ADRA1D: variants seen among roughly 807,000 people sequenced by gnomAD.
ADRA1D encodes adrenoceptor alpha 1D, also known as alpha-1D adrenergic receptor.
A neutral mutation model predicts 18.6 loss-of-function variants in ADRA1D; 22 were observed. That is an observed-to-expected ratio of 1.19 (90% CI 0.85 to 1.69). The LOEUF is 1.69. ADRA1D is among the 40% of genes most tolerant of loss of function. ADRA1D has a pLI of 0.00. For missense variants in ADRA1D, 840 were observed against 840.7 expected, an observed-to-expected ratio of 1.00 and a Z score of 0.01; for synonymous variants, 376 against 388.2, an observed-to-expected ratio of 0.97 and a Z score of 0.37.
Position 4,242,315 on chromosome 20 carries a change from G to T in ADRA1D, c.1111+5532C>A, listed in dbSNP as rs1217262188. Reference sequence around the variant, plus strand: ...TTTATTTATCCATTCTCCTGCAGATGGCATCTGGCCTCATCTCTTGACCCC... The same window carrying T: ...TTTATTTATCCATTCTCCTGCAGATTGCATCTGGCCTCATCTCTTGACCCC... On this transcript the variant is annotated intron_variant, in intron 1 of 1. Transcript: ENST00000379453. Among the ~76,000 whole-genome samples the T allele has an allele frequency of 2.0e-5, 3 of 152,160 alleles. No homozygotes were observed. In the East Asian group the frequency reaches 5.8e-4, roughly 29 times the overall value.
intron 1 of ADRA1D, 30 bp downstream of exon 1, chr20:4,247,817 G>A: frequency 6.7e-7 from 1 of 1,486,290 alleles, no homozygotes; most frequent in Non-Finnish European, 8.9e-7. Context: ...AGGGAGAACA[G>A]GAGGGGCCGG....
Position 4,221,805 on chromosome 20 carries a change from C to T in ADRA1D, c.1437G>A (p.Glu479=). Residue 479 remains glutamate, a synonymous_variant, in exon 2 of 2, where the codon GAG becomes GAA. Transcript: ENST00000379453. ...GACGGCTGGCGACCGGAGCCTGCATCTCGGGCGTGCCTGGGGGTTCGGGGT... is the reference window on the plus strand; with the variant it reads ...GACGGCTGGCGACCGGAGCCTGCATTTCGGGCGTGCCTGGGGGTTCGGGGT... ...DPDPEPPGTP[E]MQAPVASRRK... 6.4e-7 allele frequency: 1 copy of T among 1,554,260 alleles called. No homozygotes were observed. Among genetic ancestry groups the T allele is most frequent in the Non-Finnish European group, 8.7e-7 (1 of 1,155,012 alleles).
At position 4,249,025 on chromosome 20, in the gene ADRA1D, G is replaced by C; in HGVS notation, c.-68C>G. The C allele has an allele frequency of 8.7e-7, 1 of 1,144,728 alleles. No homozygotes were observed. Among genetic ancestry groups the C allele is most frequent in the Non-Finnish European group, 1.1e-6 (1 of 915,062 alleles). The allele number at this position is 1,144,728 out of a possible 1,614,324, so 70.9% of individuals were successfully genotyped here. On this transcript the variant is annotated 5_prime_UTR_variant, in exon 1 of 2. Transcript: ENST00000379453. ...AGCGGCCGGCAGGGAGGGGAGCACA[G>C]GGCATAGCCGCGGGGCTCCAGATGC...
intron 1 of ADRA1D, among the ~76,000 whole-genome samples, chr20:4,233,490 CT>C (rs1050147988): frequency 6.6e-6 from 1 of 151,248 alleles, no homozygotes; most frequent in Middle Eastern, 3.2e-3. Context: ...ATGTACCTGC[CT>C]TTTTTTTGAG....
chr20:4,235,040 C>T (rs116685580), intron 1 of ADRA1D, among the ~76,000 whole-genome samples: 71 of 152,222 alleles, frequency 4.7e-4, no homozygotes, highest in African/African-American at 1.4e-3. Context: ...TGTGAAGACT[C>T]GAAGGGGTGA....
At chr20:4,246,132 G>A (rs926366687) in intron 1 of ADRA1D, among the ~76,000 whole-genome samples, 1 of 152,150 alleles carries the variant, frequency 6.6e-6, no homozygotes, top group African/African-American at 2.4e-5. Context: ...CAGAGCCTGT[G>A]ATCCTCACTG....
At position 4,222,076 on chromosome 20, in the gene ADRA1D, C is replaced by A. The variant is rs1351061575; in HGVS notation, c.1166G>T (p.Trp389Leu). The stretch of plus-strand genomic sequence containing the variant: ...CACGCAGCTGTTGAAGTAGCCGAGC[C>A]AGAAGATGACCTTGAAGACGCCCTC... Reference protein sequence around the residue: ...PSEGVFKVIFWLGYFNSCVNP... With the variant: ...PSEGVFKVIFLLGYFNSCVNP... Residue 389 changes from tryptophan to leucine, a missense_variant, in exon 2 of 2, where the codon TGG becomes TTG. By Grantham distance (61) the Trp-to-Leu change is moderately conservative. Coordinates refer to ENST00000379453, the MANE Select transcript of ADRA1D (RefSeq NM_000678.4). The surrounding 1 kb of genome is among the most constrained non-coding windows in gnomAD (Gnocchi z 4.3). The A allele has an allele frequency of 6.2e-7, 1 of 1,612,910 alleles. No individual in the cohort carries two copies. The highest frequency in any genetic ancestry group is 1.3e-5 in the African/African-American group (1 of 74,640).
At chr20:4,241,371 A>G (rs76297439) in intron 1 of ADRA1D, among the ~76,000 whole-genome samples, 3,184 of 152,346 alleles carry the variant, frequency 0.021, 157 homozygotes, top group South Asian at 0.21. Flanking sequence ...AATGATATGT[A>G]GTTAATGATA....
At chr20:4,231,036 C>T (rs1031874090) in intron 1 of ADRA1D, among the ~76,000 whole-genome samples, 4 of 105,856 alleles carry the variant, frequency 3.8e-5, no homozygotes, top group African/African-American at 1.1e-4. Context: ...CTCTTTCTTT[C>T]TTTTTCTTTC....
Position 4,249,114 on chromosome 20 carries a change from C to T in ADRA1D, c.-157G>A, listed in dbSNP as rs1363702175. ...TCCTGTGACGCGGAGCGCGGCTGTC[C>T]GAGAGCGGAGCTGCCTGGCCCGGGC... On this transcript the variant is annotated 5_prime_UTR_variant, in exon 1 of 2. Transcript: ENST00000379453. 6 of 575,906 alleles carry T rather than the reference C, an allele frequency of 1.0e-5. No individual in the cohort carries two copies. The highest frequency in any genetic ancestry group is 6.1e-5 in the African/African-American group (3 of 49,334). The allele number at this position is 575,906 out of a possible 1,614,324, so 35.7% of individuals were successfully genotyped here. A position where few individuals can be genotyped will look rare whatever the true frequency, so the allele number is the denominator to read the frequency against.
chr20:4,233,853 GGGA>G (rs1600848818), intron 1 of ADRA1D, among the ~76,000 whole-genome samples: 1 of 152,154 alleles, frequency 6.6e-6, no homozygotes, highest in Non-Finnish European at 1.5e-5. Context: ...TAAGGACGCA[GGGA>G]GGAGATGACC....
At chr20:4,234,720 G>A (rs921716654) in intron 1 of ADRA1D, among the ~76,000 whole-genome samples, 1 of 152,126 alleles carries the variant, frequency 6.6e-6, no homozygotes, top group Non-Finnish European at 1.5e-5. Context: ...AGGCCTCTTC[G>A]CTACATTATA....
At chr20:4,229,667 G>C (rs901947056) in intron 1 of ADRA1D, among the ~76,000 whole-genome samples, 1 of 152,094 alleles carries the variant, frequency 6.6e-6, no homozygotes, top group African/African-American at 2.4e-5. Flanking sequence ...AGAATGCAGT[G>C]ATTGAGGGCA....
intron 1 of ADRA1D, among the ~76,000 whole-genome samples, chr20:4,247,516 A>G (rs1981362027): frequency 6.6e-6 from 1 of 152,206 alleles, no homozygotes; most frequent in Non-Finnish European, 1.5e-5. Flanking sequence ...AGGGGGACAC[A>G]TACACTGCCG....
chr20:4,226,887 G>A (rs936220831), intron 1 of ADRA1D, among the ~76,000 whole-genome samples: 5 of 152,146 alleles, frequency 3.3e-5, no homozygotes, highest in African/African-American at 7.2e-5. Context: ...CACAGATGCC[G>A]GTTTGAATTT....
chr20:4,226,293 G>C (rs1408825023), intron 1 of ADRA1D, among the ~76,000 whole-genome samples: 1 of 152,236 alleles, frequency 6.6e-6, no homozygotes, highest in East Asian at 1.9e-4. Context: ...TCAGCCCCAA[G>C]GTTTTCCCAC....
Position 4,221,477 on chromosome 20 carries a change from C to G in ADRA1D, c.*46G>C. 6.4e-7 allele frequency: 1 copy of G among 1,559,970 alleles called. No individual in the cohort carries two copies. The highest frequency in any genetic ancestry group is 8.7e-7 in the Non-Finnish European group (1 of 1,149,084). ...AACACCAGCCCGCCTCTCTGGTCCC[C>G]CTTACCCCCAAGCCCAGCACACTCC... On this transcript the variant is annotated 3_prime_UTR_variant, in exon 2 of 2. Transcript: ENST00000379453.
chr20:4,236,739 G>A (rs1464252109), intron 1 of ADRA1D, among the ~76,000 whole-genome samples: 1 of 152,218 alleles, frequency 6.6e-6, no homozygotes, highest in Non-Finnish European at 1.5e-5. Flanking sequence ...CAGACAGGAA[G>A]GAGGGAGGCA....
At chr20:4,236,642 C>T (rs1981100130) in intron 1 of ADRA1D, among the ~76,000 whole-genome samples, 1 of 152,162 alleles carries the variant, frequency 6.6e-6, no homozygotes, top group African/African-American at 2.4e-5. Flanking sequence ...GATGTCCAGA[C>T]CTGTGAATGT....
Sources: gnomAD v4.1 joint callset for allele counts (sites outside exome capture counted in the v4.1 genomes callset) on GRCh38, gnomAD v4.1.1 for gene constraint, Gnocchi (gnomAD v3.1) non-coding constraint, MANE v1.5 for transcripts, NCBI Gene and HGNC (gene_info 2026-07-23, HGNC 2026-07-21) for gene names.